Variants in FOXN3 observed in about 807,000 individuals in gnomAD.
The protein encoded by FOXN3 is forkhead box N3, also known as forkhead box protein N3.
In FOXN3, 7 loss-of-function variants were observed where a neutral mutation model predicts 38.4. The observed-to-expected ratio is 0.18, with a 90% CI of 0.10 to 0.34. The LOEUF (loss-of-function observed/expected upper bound fraction) is 0.34, where lower values mean the gene tolerates loss of function less well. Ranked by LOEUF, FOXN3 falls within the 10% of genes least tolerant of loss-of-function variation. The pLI is 1.00. For missense variants in FOXN3, 456 were observed against 613.4 expected (o/e 0.74, Z 2.71); for synonymous variants, 230 against 242.2 (o/e 0.95, Z 0.47).
chr14:89,364,170 CAAAACTGATTACAAAGAAT>C (rs1265128757), intron 2 of FOXN3, among the ~76,000 whole-genome samples: 3 of 149,566 alleles, frequency 2.0e-5, no homozygotes, highest in Non-Finnish European at 4.4e-5. Context: ...GCAAAAAGAA[CAAAACTGATTACAAAGAAT>C]TTTTTTCTAG....
chr14:89,381,532 CAAAA>C (rs71897384), intron 2 of FOXN3, among the ~76,000 whole-genome samples: 2,115 of 75,960 alleles, frequency 0.028, 68 homozygotes, highest in African/African-American at 0.092. Context: ...CCTCAAAAAG[CAAAA>C]AAAAAAAAAA....
intron 4 of FOXN3, among the ~76,000 whole-genome samples, chr14:89,192,725 A>G (rs1159427382): frequency 6.9e-6 from 1 of 145,740 alleles, no homozygotes; most frequent in Non-Finnish European, 1.5e-5. Context: ...ACTATTATAT[A>G]ATAGTTAATA....
At position 89,426,215 on chromosome 14, in the gene FOXN3, ATTT is replaced by A. The variant is rs33964198; in HGVS notation, c.-14-13728_-14-13726del. Among the ~76,000 whole-genome samples, 122 of 77,550 alleles carry A rather than the reference ATTT, an allele frequency of 1.6e-3. No homozygotes were observed. In the South Asian group the frequency reaches 0.025, roughly 16 times the overall value. The allele number at this position is 77,550 out of a possible 152,430, so 50.9% of individuals were successfully genotyped here. On this transcript the variant is annotated intron_variant, in intron 1 of 6. Coordinates refer to the FOXN3 transcript ENST00000345097. The stretch of plus-strand genomic sequence containing the variant: ...GACCACAAAAGCACCAGGAGTACTG[ATTT>A]TTTTTTTTTTTTTTTTTTTTTTTGA...
intron 5 of FOXN3, among the ~76,000 whole-genome samples, chr14:89,168,621 CG>C (rs1596077265): frequency 6.6e-6 from 1 of 152,136 alleles, no homozygotes; most frequent in East Asian, 1.9e-4. Flanking sequence ...TTGGATGAGA[CG>C]GAACACAGAA....
chr14:89,524,397 A>AAAAAAAAAAC (rs1894390199), intron 1 of FOXN3, among the ~76,000 whole-genome samples: 1 of 95,026 alleles, frequency 1.1e-5, no homozygotes, highest in Non-Finnish European at 1.9e-5. Context: ...AAAAAAAAAA[A>AAAAAAAAAAC]AAAAAAGAAA....
intron 1 of FOXN3, among the ~76,000 whole-genome samples, chr14:89,471,046 A>C (rs1266265188): frequency 6.6e-6 from 1 of 152,242 alleles, no homozygotes; most frequent in East Asian, 1.9e-4. Context: ...TAAGGCACTG[A>C]GGCCATTCCA....
intron 1 of FOXN3, among the ~76,000 whole-genome samples, chr14:89,575,129 C>T (rs1195696742): frequency 1.3e-5 from 2 of 152,172 alleles, no homozygotes; most frequent in African/African-American, 2.4e-5. Context: ...AAAGTTTCTC[C>T]TTCATAAACT....
At chr14:89,541,283 T>C (rs1052718889) in intron 1 of FOXN3, among the ~76,000 whole-genome samples, 16 of 151,650 alleles carry the variant, frequency 1.1e-4, no homozygotes, top group Admixed American at 9.9e-4. Flanking sequence ...TGAGATCTAC[T>C]CGGGCTGCAT....
In FOXN3 at chr14:89,254,764, T is replaced by C. The variant is rs530566791; in HGVS notation, c.745+26186A>G. ...TGCCTCTGAACACTCGTCTCCTCCA[T>C]GAGGCCTTCCTAGGGGGCCTGAGAA... On this transcript the variant is annotated intron_variant, in intron 4 of 5. Coordinates refer to ENST00000557258, the MANE Select transcript of FOXN3 (RefSeq NM_005197.4). 1.1e-4 allele frequency among the ~76,000 whole-genome samples: 17 copies of C among 152,102 alleles called. No individual in the cohort carries two copies. In the East Asian group the frequency reaches 2.7e-3, roughly 24 times the overall value.
intron 4 of FOXN3, among the ~76,000 whole-genome samples, chr14:89,221,466 TG>T (rs1442114167): frequency 6.6e-6 from 1 of 152,248 alleles, no homozygotes; most frequent in Admixed American, 6.5e-5. Context: ...CCTTTACCTT[TG>T]GTTACAGTCA....
chr14:89,355,308 A>C (rs1276952081), intron 2 of FOXN3: 1 of 150,704 alleles, frequency 6.6e-6, no homozygotes, highest in African/African-American at 2.4e-5. Context: ...GCTCACTGCA[A>C]CCTCCGCCTC....
intron 1 of FOXN3, among the ~76,000 whole-genome samples, chr14:89,509,129 G>A (rs1894006371): frequency 6.6e-6 from 1 of 151,826 alleles, no homozygotes; most frequent in African/African-American, 2.4e-5. Context: ...GTCTTGGAGT[G>A]GACCAGGTCC....
chr14:89,437,521 G>A (rs1892297194), intron 1 of FOXN3, among the ~76,000 whole-genome samples: 1 of 152,172 alleles, frequency 6.6e-6, no homozygotes, highest in Non-Finnish European at 1.5e-5. Flanking sequence ...TACGAGCTGT[G>A]TAAAATGAGG....
At chr14:89,404,878 T>C (rs1345067179) in intron 2 of FOXN3, among the ~76,000 whole-genome samples, 1 of 152,082 alleles carries the variant, frequency 6.6e-6, no homozygotes, top group Non-Finnish European at 1.5e-5. Flanking sequence ...CCACCCAACA[T>C]TACACTAATT....
At chr14:89,297,559 C>CAA (rs919496715) in intron 3 of FOXN3, among the ~76,000 whole-genome samples, 3 of 103,568 alleles carry the variant, frequency 2.9e-5, no homozygotes, top group Non-Finnish European at 6.1e-5. Context: ...GACTCCCTTT[C>CAA]AAAAAAAAAA....
intron 3 of FOXN3, among the ~76,000 whole-genome samples, chr14:89,288,935 C>T (rs1447734680): frequency 6.6e-6 from 1 of 151,038 alleles, no homozygotes; most frequent in African/African-American, 2.4e-5. Context: ...CCTGTAATCC[C>T]AGTTGGGAGG....
chr14:89,443,242 C>T (rs967975570), intron 1 of FOXN3, among the ~76,000 whole-genome samples: 7 of 152,184 alleles, frequency 4.6e-5, no homozygotes, highest in Non-Finnish European at 7.3e-5. Flanking sequence ...GGAAAACTGG[C>T]TATTTGTTTT....
intron 2 of FOXN3, among the ~76,000 whole-genome samples, chr14:89,392,564 G>C (rs554751074): frequency 6.6e-6 from 1 of 151,592 alleles, no homozygotes; most frequent in East Asian, 1.9e-4. Flanking sequence ...TCCTAGGCTT[G>C]CAGAGCCATC....
intron 3 of FOXN3, among the ~76,000 whole-genome samples, chr14:89,321,498 A>C (rs1285569589): frequency 6.6e-6 from 1 of 151,980 alleles, no homozygotes; most frequent in Non-Finnish European, 1.5e-5. Context: ...AATTGCTTGA[A>C]CCTGGGCGGC....
Sources: allele counts gnomAD v4.1 joint callset (sites outside exome capture counted in the v4.1 genomes callset), GRCh38; gene constraint gnomAD v4.1.1; transcripts MANE v1.5; gene names NCBI Gene and HGNC (gene_info 2026-07-23, HGNC 2026-07-21).